The following AK9 variants were observed in gnomAD, a reference collection of about 807,000 sequenced individuals.
The protein encoded by AK9 is adenylate kinase domain containing 1.
AK9 carries 191 observed loss-of-function variants against 239.6 expected under a neutral mutation model. The observed-to-expected ratio is 0.80, with a 90% CI of 0.71 to 0.90. AK9 has a LOEUF of 0.90. Among genes scored for constraint, AK9 ranks in the 40% least tolerant of loss-of-function variants. The pLI is 0.00. For missense variants in AK9, 1,995 were observed against 2,214.7 expected (o/e 0.90, Z 1.99); for synonymous variants, 689 against 721.0 (o/e 0.96, Z 0.71).
intron 27 of AK9, among the ~76,000 whole-genome samples, chr6:109,535,682 T>C (rs1254276435): frequency 6.6e-6 from 1 of 152,230 alleles, no homozygotes; most frequent in Non-Finnish European, 1.5e-5. Context: ...TCCTTGCCCA[T>C]GCCTGTGTCC....
intron 21 of AK9, among the ~76,000 whole-genome samples, chr6:109,570,972 A>G (rs1021538718): frequency 2.0e-5 from 3 of 152,176 alleles, no homozygotes; most frequent in African/African-American, 7.2e-5. Flanking sequence ...TGACTTTTCC[A>G]TGTGTAGAAG....
At chr6:109,527,567 T>C (rs1189451006) in intron 29 of AK9, 2 of 152,088 alleles carry the variant, frequency 1.3e-5, no homozygotes, top group African/African-American at 4.8e-5. Flanking sequence ...CTTTATTGTC[T>C]GAGTCAGTAG....
intron 27 of AK9, among the ~76,000 whole-genome samples, chr6:109,534,178 C>G (rs1781648380): frequency 6.6e-6 from 1 of 150,514 alleles, no homozygotes; most frequent in Non-Finnish European, 1.5e-5. Flanking sequence ...GGAAAATATG[C>G]CATTGCACTC....
intron 18 of AK9, 53 bp from the exon 19 acceptor site, chr6:109,585,290 T>G (rs1008315715): frequency 1.6e-6 from 1 of 606,796 alleles, no homozygotes; most frequent in East Asian, 9.8e-5. Context: ...TAAAATACAG[T>G]GAGATGTATT....
At chr6:109,653,340 C>T (rs1315312187) in intron 8 of AK9, among the ~76,000 whole-genome samples, 1 of 152,172 alleles carries the variant, frequency 6.6e-6, no homozygotes, top group Non-Finnish European at 1.5e-5. Context: ...TTCTTGCCAC[C>T]ACTGGCTATC....
rs1191787210 is a variant in AK9, at chr6:109,522,327, A to G, written c.3634-5685T>C. Among the ~76,000 whole-genome samples, 5 of 152,100 alleles carry G rather than the reference A, an allele frequency of 3.3e-5. No homozygotes were observed. The East Asian group carries it at 9.7e-4, about 29-fold the overall frequency. On this transcript the variant is annotated intron_variant, in intron 29 of 40. Transcript: ENST00000424296. Reference sequence around the variant, plus strand: ...ATTTGAAGACCTCCTGCTCTCTTCAATACTGGGAACTTTTCTTCTAACATT... The same window carrying G: ...ATTTGAAGACCTCCTGCTCTCTTCAGTACTGGGAACTTTTCTTCTAACATT...
At chr6:109,495,246 A>G (rs1338050709) in intron 39 of AK9, 92 bp downstream of exon 39, 1 of 1,066,490 alleles carries the variant, frequency 9.4e-7, no homozygotes, top group Non-Finnish European at 1.3e-6. Flanking sequence ...CTCTGCCTTG[A>G]ATTTTATTGT....
chr6:109,519,810 A>C (rs1038590742), intron 29 of AK9, among the ~76,000 whole-genome samples: 1 of 150,758 alleles, frequency 6.6e-6, no homozygotes, highest in Admixed American at 6.6e-5. Context: ...GACTGGTGTG[A>C]GATGGTATCT....
intron 17 of AK9, among the ~76,000 whole-genome samples, chr6:109,602,363 G>A (rs914379822): frequency 6.6e-5 from 10 of 152,152 alleles, no homozygotes; most frequent in Non-Finnish European, 1.2e-4. Context: ...GAAATTCTGG[G>A]TTGAAAATTC....
chr6:109,671,553 G>T (rs753892692), intron 5 of AK9, among the ~76,000 whole-genome samples: 3 of 152,324 alleles, frequency 2.0e-5, no homozygotes, highest in Non-Finnish European at 2.9e-5. Flanking sequence ...CGCCTTCTAA[G>T]TGTGGATTAA....
intron 24 of AK9, among the ~76,000 whole-genome samples, chr6:109,552,204 T>C (rs1233515123): frequency 6.6e-6 from 1 of 150,658 alleles, no homozygotes; most frequent in Non-Finnish European, 1.5e-5. Context: ...GTGTCTATAA[T>C]AAACACAATA....
intron 17 of AK9, among the ~76,000 whole-genome samples, chr6:109,605,092 G>T (rs1792658502): frequency 2.0e-5 from 3 of 152,084 alleles, no homozygotes; most frequent in African/African-American, 7.2e-5. Flanking sequence ...AATTATTCCT[G>T]TTATTATGTT....
chr6:109,598,892 A>G (rs1451404766), intron 17 of AK9, among the ~76,000 whole-genome samples: 1 of 152,092 alleles, frequency 6.6e-6, no homozygotes, highest in East Asian at 1.9e-4. Context: ...GTGTCTGTTC[A>G]TATCCTTTGC....
At chr6:109,641,418 G>A in intron 10 of AK9, 100 bp downstream of exon 10, 2 of 837,944 alleles carry the variant, frequency 2.4e-6, no homozygotes, top group Non-Finnish European at 3.8e-6. Context: ...AGACTCCTGG[G>A]CTCCAGTGAT....
At chr6:109,658,548 A>G (rs1054104009) in intron 7 of AK9, among the ~76,000 whole-genome samples, 1 of 152,232 alleles carries the variant, frequency 6.6e-6, no homozygotes, top group African/African-American at 2.4e-5. Flanking sequence ...GGCAAGTGCA[A>G]CTGGAACGTG....
At chr6:109,585,766 GCCTCATTTTGTGTACCTCTAGTT>G in intron 18 of AK9, 127 bp downstream of exon 18, 1 of 679,456 alleles carries the variant, frequency 1.5e-6, no homozygotes, top group Non-Finnish European at 2.3e-6. Flanking sequence ...GTATATGGAA[GCCTCATTTTGTGTACCTCTAGTT>G]CCTGCAGGGA....
At chr6:109,664,409 CTTTTAT>C (rs959792094) in intron 5 of AK9, among the ~76,000 whole-genome samples, 3 of 152,050 alleles carry the variant, frequency 2.0e-5, no homozygotes, top group African/African-American at 7.2e-5. Context: ...TCATCACAAT[CTTTTAT>C]TTTTATTTTT....
intron 40 of AK9, among the ~76,000 whole-genome samples, 196 bp downstream of exon 40, chr6:109,493,785 C>T (rs1776760606): frequency 6.6e-6 from 1 of 152,146 alleles, no homozygotes; most frequent in Non-Finnish European, 1.5e-5. Context: ...GACTGTATTA[C>T]TTAGTCCCTA....
chr6:109,518,681 T>C (rs1002309618), intron 29 of AK9, among the ~76,000 whole-genome samples: 11 of 152,054 alleles, frequency 7.2e-5, no homozygotes, highest in Non-Finnish European at 5.9e-5. Context: ...ACTATATATA[T>C]ATTTAATTAC....
Sources: allele counts gnomAD v4.1 joint callset (sites outside exome capture counted in the v4.1 genomes callset), GRCh38; gene constraint gnomAD v4.1.1; transcripts MANE v1.5; gene names NCBI Gene and HGNC (gene_info 2026-07-23, HGNC 2026-07-21).